The following LEPR variants were observed in gnomAD, a reference collection of about 807,000 sequenced individuals.
The protein encoded by LEPR is OB receptor.
In LEPR, 56 loss-of-function variants were observed where a neutral mutation model predicts 114.7. The observed-to-expected ratio is 0.49, with a 90% CI of 0.39 to 0.61. LEPR has a LOEUF of 0.61. Ranked by LOEUF, LEPR falls within the 20% of genes least tolerant of loss-of-function variation. The probability of loss-of-function intolerance (pLI) is 0.00; values close to 1 mark genes in which losing one functional copy is unlikely to be tolerated. For synonymous variants in LEPR, 443 were observed against 461.4 expected (o/e 0.96, Z 0.51); for missense variants, 1,202 against 1,352.9 (o/e 0.89, Z 1.75).
intron 2 of LEPR, chr1:65,432,224 GA>G: frequency 1.2e-5 from 12 of 1,024,102 alleles, no homozygotes; most frequent in Non-Finnish European, 1.4e-5. Context: ...GCAGTGCATC[GA>G]AACCTTTTGC....
intron 2 of LEPR, chr1:65,525,715 C>T (rs1649901983): frequency 1.0e-6 from 1 of 985,734 alleles, no homozygotes; most frequent in Non-Finnish European, 1.2e-6. Context: ...TCGGAGCGGC[C>T]CCATCGCAGA....
intron 19 of LEPR, 99 bp downstream of exon 19, chr1:65,623,080 C>A: frequency 8.7e-7 from 1 of 1,144,694 alleles, no homozygotes; most frequent in Non-Finnish European, 1.3e-6. Context: ...TTTAAAAGGT[C>A]ATATTTTATT....
chr1:65,532,158 G>A (rs1171270), intron 2 of LEPR, among the ~76,000 whole-genome samples: 106,864 of 152,042 alleles, frequency 0.7, 38,497 homozygotes, highest in Middle Eastern at 0.88. Context: ...TGCAGTAACA[G>A]ATAATCTTCA....
intron 1 of LEPR, among the ~76,000 whole-genome samples, chr1:65,424,753 G>A (rs1178410649): frequency 1.3e-5 from 2 of 152,186 alleles, no homozygotes; most frequent in Non-Finnish European, 2.9e-5. Context: ...CTCTCACATT[G>A]GAGAACAGAG....
chr1:65,588,811 A>AATATAACC (rs1211743371), intron 5 of LEPR, among the ~76,000 whole-genome samples: 1 of 152,080 alleles, frequency 6.6e-6, no homozygotes, highest in Middle Eastern at 3.2e-3. Flanking sequence ...GTTATATTGC[A>AATATAACC]ATTTGTTCAT....
At chr1:65,526,420 G>A (rs990974747) in intron 2 of LEPR, 1 of 984,866 alleles carries the variant, frequency 1.0e-6, no homozygotes, top group Non-Finnish European at 1.2e-6. Flanking sequence ...ACCCAACTGA[G>A]GAATCATTTG....
chr1:65,485,605 A>G (rs1399160277), intron 2 of LEPR, among the ~76,000 whole-genome samples: 2 of 152,154 alleles, frequency 1.3e-5, no homozygotes, highest in Non-Finnish European at 2.9e-5. Context: ...ACATGCAGAC[A>G]CACAAACTCT....
At chr1:65,569,749 T>G (rs1028690482) in intron 3 of LEPR, among the ~76,000 whole-genome samples, 1 of 151,396 alleles carries the variant, frequency 6.6e-6, no homozygotes, top group Non-Finnish European at 1.5e-5. Flanking sequence ...AAGGTTTAAC[T>G]TTTGCAGATC....
At position 65,497,001 on chromosome 1, in the gene LEPR, TAC is replaced by T. The variant is rs1553158529; in HGVS notation, c.-20-68533_-20-68532del. On this transcript the variant is annotated intron_variant, in intron 2 of 19. Coordinates refer to ENST00000349533, the MANE Select transcript of LEPR (RefSeq NM_002303.6). ...GTGTTCATATACATATATATATATA[TAC>T]ACACACACACATATATGTATTTTTC... Among the ~76,000 whole-genome samples the T allele has an allele frequency of 5.0e-3, 756 of 151,768 alleles. 6 individuals are homozygous for T. Among genetic ancestry groups the T allele is most frequent in the African/African-American group, 0.017 (725 of 41,430 alleles).
At chr1:65,486,848 C>T (rs564461015) in intron 2 of LEPR, among the ~76,000 whole-genome samples, 37 of 152,210 alleles carry the variant, frequency 2.4e-4, no homozygotes, top group Admixed American at 2.0e-3. Flanking sequence ...CTTTCCAGCC[C>T]GTGGCTCCAG....
chr1:65,439,435 G>A (rs533038890), intron 2 of LEPR, among the ~76,000 whole-genome samples: 41 of 152,280 alleles, frequency 2.7e-4, no homozygotes, highest in African/African-American at 9.6e-4. Flanking sequence ...ATTTTAAGCT[G>A]AGGAGATACA....
rs377047444 is a variant in LEPR at position 65,444,692 on chromosome 1, G to T, written c.-21+19314G>T. Among the ~76,000 whole-genome samples the T allele has an allele frequency of 1.1e-4, 17 of 152,180 alleles. No individual in the cohort carries two copies. The East Asian group carries it at 3.1e-3, about 28-fold the overall frequency. On this transcript the variant is annotated intron_variant, in intron 2 of 19. Transcript: ENST00000349533. Reference sequence around the variant, plus strand: ...AAAGGAGAGGAAAGGAGGAAGGGATGAATAACTTTATTTAAATGAGAAAAG... The same window carrying T: ...AAAGGAGAGGAAAGGAGGAAGGGATTAATAACTTTATTTAAATGAGAAAAG...
At chr1:65,624,343 TTCTC>T (rs1399930471) in intron 19 of LEPR, among the ~76,000 whole-genome samples, 1 of 151,974 alleles carries the variant, frequency 6.6e-6, no homozygotes, top group African/African-American at 2.4e-5. Flanking sequence ...ACAAGTGTTA[TTCTC>T]TCTATTTTGC....
chr1:65,525,445 C>G (rs1364220985), intron 2 of LEPR, among the ~76,000 whole-genome samples: 2 of 152,156 alleles, frequency 1.3e-5, no homozygotes, highest in East Asian at 1.9e-4. Context: ...AGCGCCGGGT[C>G]TCTCCTCCCG....
intron 2 of LEPR, among the ~76,000 whole-genome samples, chr1:65,549,874 A>T (rs1652149914): frequency 6.6e-6 from 1 of 152,148 alleles, no homozygotes; most frequent in Non-Finnish European, 1.5e-5. Flanking sequence ...GTTCCTTTGG[A>T]GGAGGAGAGG....
chr1:65,585,422 A>G (rs1176746456), intron 5 of LEPR, among the ~76,000 whole-genome samples: 2 of 152,012 alleles, frequency 1.3e-5, no homozygotes, highest in Non-Finnish European at 2.9e-5. Flanking sequence ...ATTGGACCAA[A>G]AGTCAGAGGA....
At chr1:65,421,078 C>A (rs1646239740) in intron 1 of LEPR, among the ~76,000 whole-genome samples, 2 of 152,230 alleles carry the variant, frequency 1.3e-5, no homozygotes, top group African/African-American at 4.8e-5. Context: ...GCCACCCTAA[C>A]GCCTTTCTTC....
At chr1:65,588,440 A>G (rs562811195) in intron 5 of LEPR, among the ~76,000 whole-genome samples, 4 of 152,196 alleles carry the variant, frequency 2.6e-5, no homozygotes, top group South Asian at 2.1e-4. Flanking sequence ...TAAGCTGTAC[A>G]TATTTAAATT....
At chr1:65,604,647 A>C (rs1656689187) in intron 10 of LEPR, among the ~76,000 whole-genome samples, 1 of 152,178 alleles carries the variant, frequency 6.6e-6, no homozygotes, top group Non-Finnish European at 1.5e-5. Context: ...TGGGGTCCCC[A>C]GTCCCTGGGC....
Sources: allele counts gnomAD v4.1 joint callset (sites outside exome capture counted in the v4.1 genomes callset), GRCh38; gene constraint gnomAD v4.1.1; transcripts MANE v1.5; gene names NCBI Gene and HGNC (gene_info 2026-07-23, HGNC 2026-07-21).